Variants in MEGF10 observed in about 807,000 individuals in gnomAD.
MEGF10 encodes multiple EGF like domains 10.
In MEGF10, 86 loss-of-function variants were observed where a neutral mutation model predicts 147.5. The observed-to-expected ratio is 0.58, with a 90% CI of 0.49 to 0.70. MEGF10 has a LOEUF of 0.70. MEGF10 is among the 30% of genes least tolerant of loss of function. The probability of loss-of-function intolerance (pLI) is 0.00; values close to 1 mark genes in which losing one functional copy is unlikely to be tolerated. For synonymous variants in MEGF10, 478 were observed against 525.5 expected (o/e 0.91, Z 1.24); for missense variants, 1,329 against 1,487.3 (o/e 0.89, Z 1.75).
intron 13 of MEGF10, among the ~76,000 whole-genome samples, chr5:127,429,615 GA>G (rs1765330279): frequency 6.6e-6 from 1 of 152,316 alleles, no homozygotes; most frequent in Admixed American, 6.5e-5. Flanking sequence ...CTTTGGTGGA[GA>G]ATTGGAGGGG....
intron 4 of MEGF10, among the ~76,000 whole-genome samples, chr5:127,343,021 A>C (rs1203140105): frequency 6.6e-6 from 1 of 151,508 alleles, no homozygotes; most frequent in Non-Finnish European, 1.5e-5. Context: ...CTTGGAGGTG[A>C]CTCCCAGTGA....
intron 13 of MEGF10, among the ~76,000 whole-genome samples, chr5:127,427,494 C>T (rs149625525): frequency 6.6e-6 from 1 of 152,070 alleles, no homozygotes; most frequent in African/African-American, 2.4e-5. Context: ...GTTGGGGGCT[C>T]ATCTGAGCCC....
Position 127,386,592 on chromosome 5 carries a change from C to T in MEGF10, c.413-9940C>T, listed in dbSNP as rs145938538. Among the ~76,000 whole-genome samples the T allele has an allele frequency of 2.4e-3, 368 of 152,326 alleles. 1 individual carries two copies. Among genetic ancestry groups the T allele is most frequent in the African/African-American group, 8.2e-3 (340 of 41,576 alleles). ...TTCTGGGTTTCCTTGCAGGCCTGAA[C>T]TCACTCCAGTTGTCTTTGTAAAAAT... is the stretch of plus-strand genomic sequence containing the variant. On this transcript the variant is annotated intron_variant, in intron 5 of 24. Coordinates refer to ENST00000503335, the MANE Select transcript of MEGF10 (RefSeq NM_001256545.2).
At chr5:127,390,346 G>A (rs1763598071) in intron 5 of MEGF10, among the ~76,000 whole-genome samples, 2 of 151,846 alleles carry the variant, frequency 1.3e-5, no homozygotes. Context: ...TTGGAGTTCA[G>A]TAGAGCAATC....
intron 6 of MEGF10, among the ~76,000 whole-genome samples, chr5:127,398,450 A>C (rs1764004696): frequency 6.6e-6 from 1 of 152,292 alleles, no homozygotes; most frequent in Admixed American, 6.5e-5. Flanking sequence ...CTTCTCTTCA[A>C]ACCGAAATGG....
chr5:127,340,758 G>T, intron 4 of MEGF10, 128 bp downstream of exon 4: 1 of 691,324 alleles, frequency 1.4e-6, no homozygotes, highest in East Asian at 2.6e-5. Context: ...CCCTCTGGTT[G>T]CTACTTTTCC....
At chr5:127,410,084 T>G (rs1166611930) in intron 8 of MEGF10, among the ~76,000 whole-genome samples, 1 of 152,246 alleles carries the variant, frequency 6.6e-6, no homozygotes, top group Non-Finnish European at 1.5e-5. Context: ...GCTATGTAAC[T>G]TTGGCAAGCA....
At chr5:127,314,300 T>C (rs1413071962) in intron 1 of MEGF10, among the ~76,000 whole-genome samples, 1 of 152,170 alleles carries the variant, frequency 6.6e-6, no homozygotes, top group Non-Finnish European at 1.5e-5. Context: ...TGATCATCTA[T>C]ATATTCTTGC....
chr5:127,292,890 G>A (rs1225366620), intron 1 of MEGF10, among the ~76,000 whole-genome samples: 1 of 127,356 alleles, frequency 7.9e-6, no homozygotes, highest in Non-Finnish European at 1.9e-5. Context: ...CATGAGTATT[G>A]GCTTTATGTG....
intron 8 of MEGF10, 22 bp downstream of exon 8, chr5:127,402,704 C>A: frequency 1.2e-6 from 2 of 1,612,514 alleles, no homozygotes; most frequent in Non-Finnish European, 1.7e-6. Flanking sequence ...CCTTGTATTT[C>A]TCTGACTGTT....
At chr5:127,321,048 A>G (rs1021618524) in intron 1 of MEGF10, among the ~76,000 whole-genome samples, 14 of 152,226 alleles carry the variant, frequency 9.2e-5, no homozygotes, top group African/African-American at 3.1e-4. Context: ...GTTTATTGCT[A>G]CAATACACAG....
intron 5 of MEGF10, among the ~76,000 whole-genome samples, chr5:127,373,549 A>G (rs1395813539): frequency 6.6e-6 from 1 of 152,180 alleles, no homozygotes; most frequent in Non-Finnish European, 1.5e-5. Context: ...AATTTTTCCT[A>G]CTGCAGCCCT....
At chr5:127,373,637 G>A (rs533122910) in intron 5 of MEGF10, among the ~76,000 whole-genome samples, 3 of 152,284 alleles carry the variant, frequency 2.0e-5, no homozygotes, top group Admixed American at 6.5e-5. Flanking sequence ...CTAGGTGCTG[G>A]TGTGGTCATT....
At chr5:127,407,939 A>AT (rs752588474) in intron 8 of MEGF10, among the ~76,000 whole-genome samples, 3 of 152,262 alleles carry the variant, frequency 2.0e-5, no homozygotes, top group Admixed American at 6.5e-5. Context: ...CAAGTGCAAC[A>AT]TTGACAAAAC....
At chr5:127,440,350 A>G (rs1014637803) in intron 17 of MEGF10, among the ~76,000 whole-genome samples, 4 of 152,248 alleles carry the variant, frequency 2.6e-5, no homozygotes, top group African/African-American at 9.6e-5. Context: ...GGTAATTTTA[A>G]TATAAAGTAC....
the MEGF10 span, among the ~76,000 whole-genome samples, chr5:127,282,155 T>G: frequency 1.3e-5 from 2 of 152,204 alleles, no homozygotes; most frequent in African/African-American, 4.8e-5. Flanking sequence ...TTATTTCTCT[T>G]GCTTCCCCCT....
intron 4 of MEGF10, among the ~76,000 whole-genome samples, chr5:127,340,911 A>G (rs1457367849): frequency 1.3e-5 from 2 of 152,142 alleles, no homozygotes; most frequent in Non-Finnish European, 2.9e-5. Context: ...TAATTCTTCA[A>G]TAAATGTCTC....
intron 13 of MEGF10, among the ~76,000 whole-genome samples, chr5:127,424,168 A>G (rs1765127260): frequency 6.6e-6 from 1 of 152,180 alleles, no homozygotes; most frequent in South Asian, 2.1e-4. Flanking sequence ...CCTTTTTAAA[A>G]TTCAGCATTC....
the MEGF10 span, among the ~76,000 whole-genome samples, chr5:127,271,136 A>G: frequency 2.0e-5 from 3 of 152,220 alleles, no homozygotes; most frequent in Non-Finnish European, 4.4e-5. Flanking sequence ...AGGAATTACC[A>G]CACTATCTTC....
Sources: gnomAD v4.1 joint callset for allele counts (sites outside exome capture counted in the v4.1 genomes callset) on GRCh38, gnomAD v4.1.1 for gene constraint, MANE v1.5 for transcripts, NCBI Gene and HGNC (gene_info 2026-07-23, HGNC 2026-07-21) for gene names.